The following CAPN13 variants were observed in gnomAD, a reference collection of about 807,000 sequenced individuals.
CAPN13 encodes calpain-13.
CAPN13 carries 90 observed loss-of-function variants against 98.4 expected under a neutral mutation model. The ratio of observed to expected loss-of-function variants is 0.92; its 90% CI spans 0.77 to 1.09. The LOEUF (loss-of-function observed/expected upper bound fraction) is 1.09. Among genes scored for constraint, CAPN13 ranks in the 50% least tolerant of loss-of-function variants. The probability of loss-of-function intolerance (pLI) is 0.00; values close to 1 mark genes in which losing one functional copy is unlikely to be tolerated. For synonymous variants in CAPN13, 330 were observed against 305.5 expected, an observed-to-expected ratio of 1.08 and a Z score of -0.84; for missense variants, 887 against 841.3, an observed-to-expected ratio of 1.05 and a Z score of -0.67.
intron 15 of CAPN13, among the ~76,000 whole-genome samples, chr2:30,740,786 A>T (rs1248784682): frequency 6.6e-6 from 1 of 152,244 alleles, no homozygotes; most frequent in Non-Finnish European, 1.5e-5. Context: ...TTAGAGGTAC[A>T]GGTGCATGGG....
intron 2 of CAPN13, among the ~76,000 whole-genome samples, chr2:30,781,969 C>T (rs1456391116): frequency 6.6e-6 from 1 of 152,102 alleles, no homozygotes; most frequent in Non-Finnish European, 1.5e-5. Context: ...AAGCCAACAG[C>T]AATAGTCAAG....
At chr2:30,739,321 G>A (rs137876522) in intron 15 of CAPN13, among the ~76,000 whole-genome samples, 80 of 152,218 alleles carry the variant, frequency 5.3e-4, no homozygotes, top group African/African-American at 1.8e-3. Flanking sequence ...CCTGTAGAGT[G>A]GCACTGGTCA....
At position 30,753,099 on chromosome 2, in the gene CAPN13, C is replaced by A; in HGVS notation, c.1041G>T (p.Trp347Cys). 6.2e-7 allele frequency: 1 copy of A among 1,613,976 alleles called. No homozygotes were observed. Among genetic ancestry groups the A allele is most frequent in the South Asian group, 1.1e-5 (1 of 91,082 alleles). Reference protein sequence around the residue: ...LDHGNTLHEGWSQIMFRKQVI... With the variant: ...LDHGNTLHEGCSQIMFRKQVI... ...CTTGCTTCCTAAACATTATTTGGGA[C>A]CATCCTTCGTGGAGTGTGTTTCCAT... Residue 347 changes from tryptophan (W) to cysteine (C), a missense_variant, in exon 10 of 23, where the codon TGG (tryptophan) becomes TGT (cysteine). By Grantham distance (215) the Trp-to-Cys change is radical (BLOSUM62 -2). Coordinates refer to ENST00000295055, the MANE Select transcript of CAPN13 (RefSeq NM_144575.3).
chr2:30,732,378 C>T, intron 20 of CAPN13, 60 bp downstream of exon 20: 1 of 1,603,834 alleles, frequency 6.2e-7, no homozygotes. Flanking sequence ...GGTGTCCGGT[C>T]CTCTCCTGTG....
chr2:30,730,395 C>T (rs1671024323), intron 22 of CAPN13, among the ~76,000 whole-genome samples: 1 of 152,192 alleles, frequency 6.6e-6, no homozygotes, highest in South Asian at 2.1e-4. Context: ...TTCTGTTGCT[C>T]TACACCATTC....
At chr2:30,727,637 A>G (rs1014456479) in intron 22 of CAPN13, among the ~76,000 whole-genome samples, 7 of 152,202 alleles carry the variant, frequency 4.6e-5, no homozygotes, top group African/African-American at 7.2e-5. Context: ...TAGGATTGCT[A>G]TAAAAGACAG....
chr2:30,772,435 T>C (rs1172339879), intron 4 of CAPN13, among the ~76,000 whole-genome samples: 1 of 152,186 alleles, frequency 6.6e-6, no homozygotes, highest in Non-Finnish European at 1.5e-5. Flanking sequence ...TGGGGAACTG[T>C]GTGACTTTAT....
rs1671706101 is a variant in CAPN13 at position 30,742,363 on chromosome 2, G to A, written c.1446-4C>T. 2.5e-6 allele frequency: 4 copies of A among 1,604,038 alleles called. No homozygotes were observed. Among genetic ancestry groups the A allele is most frequent in the African/African-American group, 1.3e-5 (1 of 74,778 alleles). On this transcript the variant is annotated splice_polypyrimidine_tract_variant and splice_region_variant and intron_variant, in intron 13 of 22. Transcript: ENST00000295055. ...GTTGAAATGGCTGCTCAGGTGCCTA[G>A]AAAATCAGAGGACAGTGTGACAAAG...
chr2:30,753,380 GC>G (rs1672278582), intron 9 of CAPN13, among the ~76,000 whole-genome samples, 182 bp from the exon 10 acceptor site: 2 of 152,282 alleles, frequency 1.3e-5, no homozygotes, highest in South Asian at 4.2e-4. Flanking sequence ...GGAGGGCAAG[GC>G]AAGGACACAG....
intron 11 of CAPN13, among the ~76,000 whole-genome samples, 160 bp from the exon 12 acceptor site, chr2:30,745,894 A>ATTTTTTTTTTTTTT (rs57880021): frequency 1.1e-5 from 1 of 92,790 alleles, no homozygotes; most frequent in Non-Finnish European, 2.0e-5. Context: ...GCCATAAAGC[A>ATTTTTTTTTTTTTT]TTTTTTTTTT....
At chr2:30,799,105 G>T (rs1280779335) in intron 1 of CAPN13, among the ~76,000 whole-genome samples, 1 of 151,970 alleles carries the variant, frequency 6.6e-6, no homozygotes, top group Non-Finnish European at 1.5e-5. Context: ...GAGAGAGAAT[G>T]AAGCAGAGAG....
At chr2:30,763,895 G>A (rs576204664) in intron 6 of CAPN13, among the ~76,000 whole-genome samples, 1 of 152,358 alleles carries the variant, frequency 6.6e-6, no homozygotes, top group Admixed American at 6.5e-5. Context: ...GTGTGTTGGT[G>A]AGCACCTTAG....
chr2:30,740,085 T>G (rs1671575604), intron 15 of CAPN13, among the ~76,000 whole-genome samples: 1 of 22,548 alleles, frequency 4.4e-5, no homozygotes, highest in African/African-American at 6.5e-5. Context: ...GTATTAGGTT[T>G]TTTTTTTTTT....
intron 15 of CAPN13, among the ~76,000 whole-genome samples, chr2:30,740,661 C>T (rs1164027487): frequency 2.0e-5 from 3 of 152,226 alleles, no homozygotes; most frequent in East Asian, 1.9e-4. Context: ...CTTATTCCCA[C>T]GAAGGCCCCC....
chr2:30,758,378 T>C (rs1672570535), intron 7 of CAPN13, among the ~76,000 whole-genome samples: 2 of 152,230 alleles, frequency 1.3e-5, no homozygotes, highest in African/African-American at 4.8e-5. Context: ...CAAGGGCAGA[T>C]GCAACTTCAT....
intron 4 of CAPN13, among the ~76,000 whole-genome samples, chr2:30,770,803 T>C (rs1673366435): frequency 1.3e-5 from 2 of 152,086 alleles, no homozygotes; most frequent in South Asian, 2.1e-4. Context: ...AAAATGGCAA[T>C]AGGGAAGCAA....
chr2:30,783,021 C>T (rs765137304), intron 2 of CAPN13, among the ~76,000 whole-genome samples: 3 of 152,186 alleles, frequency 2.0e-5, no homozygotes, highest in Non-Finnish European at 4.4e-5. Context: ...ACATTTCCAT[C>T]ATCACAGAAT....
intron 10 of CAPN13, among the ~76,000 whole-genome samples, chr2:30,752,003 T>C (rs1419478749): frequency 1.3e-5 from 2 of 152,248 alleles, no homozygotes; most frequent in Non-Finnish European, 2.9e-5. Flanking sequence ...TTGACAAGCA[T>C]TGTATCCAGG....
intron 17 of CAPN13, 196 bp downstream of exon 17, chr2:30,738,039 T>A: frequency 1.6e-6 from 1 of 628,718 alleles, no homozygotes. Context: ...AGTAGGTGCT[T>A]GATAGATGGT....
Sources: gnomAD v4.1 joint callset for allele counts (sites outside exome capture counted in the v4.1 genomes callset) on GRCh38, gnomAD v4.1.1 for gene constraint, MANE v1.5 for transcripts, NCBI Gene and HGNC (gene_info 2026-07-23, HGNC 2026-07-21) for gene names.